The following PHACTR1 variants were observed in gnomAD, a reference collection of about 807,000 sequenced individuals.
PHACTR1 encodes RPEL repeat containing 1.
Under a neutral mutation model 69.2 loss-of-function variants are expected in PHACTR1, and 16 were observed. The ratio of observed to expected loss-of-function variants is 0.23; its 90% CI spans 0.16 to 0.35. The LOEUF is 0.35. PHACTR1 is among the 10% of genes least tolerant of loss of function. The pLI is 1.00. For synonymous variants in PHACTR1, 312 were observed against 284.5 expected, an observed-to-expected ratio of 1.10 and a Z score of -0.97; for missense variants, 510 against 734.7, an observed-to-expected ratio of 0.69 and a Z score of 3.54.
chr6:13,173,645 T>G (rs1760915348), intron 6 of PHACTR1, among the ~76,000 whole-genome samples: 1 of 152,158 alleles, frequency 6.6e-6, no homozygotes, highest in Non-Finnish European at 1.5e-5. Flanking sequence ...TCGATTGCAG[T>G]GATTTGAAAG....
intron 6 of PHACTR1, among the ~76,000 whole-genome samples, chr6:13,177,435 G>A (rs1273382754): frequency 2.0e-5 from 3 of 147,170 alleles, no homozygotes; most frequent in Admixed American, 6.8e-5. Flanking sequence ...GTATGTATGT[G>A]TATATATGTG....
chr6:12,822,159 T>C lies in PHACTR1; in HGVS notation c.250+72369T>C, dbSNP rs11964624. Among the ~76,000 whole-genome samples the C allele has an allele frequency of 7.1e-3, 1,076 of 152,284 alleles. 17 individuals are homozygous for C. Among genetic ancestry groups the C allele is most frequent in the African/African-American group, 0.025 (1,025 of 41,548 alleles). On this transcript the variant is annotated intron_variant, in intron 4 of 14. Coordinates refer to ENST00000332995, the MANE Select transcript of PHACTR1 (RefSeq NM_030948.6). ...GGACAAGAACCTGGCTGTGGCAGCA[T>C]GACAGAGGTTTTGGAGTCACTGGAC...
intron 4 of PHACTR1, among the ~76,000 whole-genome samples, chr6:12,759,947 C>T (rs895499566): frequency 3.9e-5 from 6 of 152,198 alleles, no homozygotes; most frequent in African/African-American, 1.4e-4. Flanking sequence ...TAACTTCTCC[C>T]TTCCTCAATT....
chr6:12,964,982 G>A (rs889679398), intron 4 of PHACTR1, among the ~76,000 whole-genome samples: 11 of 151,980 alleles, frequency 7.2e-5, no homozygotes, highest in African/African-American at 4.8e-5. Flanking sequence ...CACTACCCCC[G>A]CCATGCTCAA....
chr6:12,963,080 C>T (rs1792956999), intron 4 of PHACTR1, among the ~76,000 whole-genome samples: 1 of 152,208 alleles, frequency 6.6e-6, no homozygotes, highest in Non-Finnish European at 1.5e-5. Context: ...ATTTACAAGT[C>T]ACTTCCTTTC....
At chr6:13,210,911 C>CTTTTTTTTT (rs56769825) in intron 8 of PHACTR1, among the ~76,000 whole-genome samples, 9 of 72,930 alleles carry the variant, frequency 1.2e-4, no homozygotes, top group African/African-American at 2.9e-4. Flanking sequence ...TTTATCATTT[C>CTTTTTTTTT]TTTTTTTTTT....
intron 8 of PHACTR1, among the ~76,000 whole-genome samples, chr6:13,218,878 GAA>G: frequency 8.9e-5 from 2 of 22,368 alleles, no homozygotes; most frequent in African/African-American, 1.2e-4. Context: ...GAAGAGAAGA[GAA>G]GAGAAGAGAA....
At chr6:13,071,584 G>C (rs1170655508) in intron 5 of PHACTR1, among the ~76,000 whole-genome samples, 1 of 152,186 alleles carries the variant, frequency 6.6e-6, no homozygotes, top group Non-Finnish European at 1.5e-5. Context: ...GTAGAAGTCA[G>C]AGCGCTAATG....
At chr6:12,745,745 C>G (rs368157171) in intron 3 of PHACTR1, among the ~76,000 whole-genome samples, 1 of 152,160 alleles carries the variant, frequency 6.6e-6, no homozygotes, top group African/African-American at 2.4e-5. Flanking sequence ...AGCAGAGATA[C>G]AAGAATAGCT....
At chr6:12,841,795 T>G (rs1337931665) in intron 4 of PHACTR1, among the ~76,000 whole-genome samples, 2 of 152,234 alleles carry the variant, frequency 1.3e-5, no homozygotes, top group Non-Finnish European at 2.9e-5. Context: ...ATCATTCTGA[T>G]AATTATCCTG....
intron 5 of PHACTR1, among the ~76,000 whole-genome samples, chr6:13,127,546 C>T (rs559740635): frequency 7.9e-5 from 12 of 152,114 alleles, no homozygotes; most frequent in East Asian, 5.8e-4. Context: ...CTCTAGGCTG[C>T]GTGACAGAGA....
intron 4 of PHACTR1, among the ~76,000 whole-genome samples, chr6:12,765,085 T>A (rs903642777): frequency 1.3e-5 from 2 of 152,158 alleles, no homozygotes; most frequent in Admixed American, 1.3e-4. Flanking sequence ...GGAAGTGAAG[T>A]ACCTGGCGTA....
At chr6:13,210,671 C>T (rs138725904) in intron 8 of PHACTR1, among the ~76,000 whole-genome samples, 2 of 152,244 alleles carry the variant, frequency 1.3e-5, no homozygotes, top group African/African-American at 4.8e-5. Flanking sequence ...ATGCCAGCAG[C>T]CTCATTAGGG....
intron 4 of PHACTR1, among the ~76,000 whole-genome samples, chr6:12,781,576 C>T (rs1430310530): frequency 6.6e-6 from 1 of 152,212 alleles, no homozygotes; most frequent in Non-Finnish European, 1.5e-5. Context: ...AACAGAGGCT[C>T]AATGTTGTCA....
intron 4 of PHACTR1, among the ~76,000 whole-genome samples, chr6:12,770,678 G>A (rs944610702): frequency 1.3e-5 from 2 of 152,178 alleles, no homozygotes; most frequent in African/African-American, 2.4e-5. Context: ...CGAACTGGCC[G>A]TGGCAAGACA....
At chr6:13,122,178 G>A (rs1419787903) in intron 5 of PHACTR1, among the ~76,000 whole-genome samples, 1 of 152,080 alleles carries the variant, frequency 6.6e-6, no homozygotes, top group Non-Finnish European at 1.5e-5. Flanking sequence ...AATCCAATGA[G>A]GATTGAAATA....
chr6:12,767,760 A>G (rs2127620504), intron 4 of PHACTR1, among the ~76,000 whole-genome samples: 1 of 152,318 alleles, frequency 6.6e-6, no homozygotes, highest in Non-Finnish European at 1.5e-5. Context: ...ACAGAGGAAA[A>G]TGATTCAGGG....
At chr6:12,820,871 T>C (rs1415563381) in intron 4 of PHACTR1, among the ~76,000 whole-genome samples, 1 of 152,120 alleles carries the variant, frequency 6.6e-6, no homozygotes, top group Non-Finnish European at 1.5e-5. Flanking sequence ...ATCATTACCA[T>C]CACCAAAACC....
At chr6:12,984,008 C>T (rs1210153406) in intron 4 of PHACTR1, among the ~76,000 whole-genome samples, 1 of 152,156 alleles carries the variant, frequency 6.6e-6, no homozygotes, top group African/African-American at 2.4e-5. Flanking sequence ...AATAAACATA[C>T]ATGTGCATGT....
Sources: allele counts gnomAD v4.1 joint callset (sites outside exome capture counted in the v4.1 genomes callset), GRCh38; gene constraint gnomAD v4.1.1; transcripts MANE v1.5; gene names NCBI Gene and HGNC (gene_info 2026-07-23, HGNC 2026-07-21).